NSUN2: variants seen among roughly 807,000 people sequenced by gnomAD.
NSUN2 encodes the protein RNA cytosine C(5)-methyltransferase NSUN2.
Under a neutral mutation model 92.7 loss-of-function variants are expected in NSUN2, and 63 were observed. The observed-to-expected ratio is 0.68, with a 90% CI of 0.56 to 0.84. NSUN2 has a LOEUF of 0.84. Among genes scored for constraint, NSUN2 ranks in the 40% least tolerant of loss-of-function variants. NSUN2 has a pLI of 0.00. For synonymous variants in NSUN2, 356 were observed against 348.3 expected (o/e 1.02, Z -0.25); for missense variants, 989 against 964.9 (o/e 1.02, Z -0.33).
intron 14 of NSUN2, 144 bp downstream of exon 14, chr5:6,606,676 C>G: frequency 2.0e-6 from 1 of 496,526 alleles, no homozygotes; most frequent in Non-Finnish European, 3.5e-6. Flanking sequence ...TCATCCTGCT[C>G]TAATATGCAG....
At chr5:6,622,847 C>CAAAAAAAAA (rs36124758) in intron 5 of NSUN2, among the ~76,000 whole-genome samples, 2 of 126,922 alleles carry the variant, frequency 1.6e-5, no homozygotes, top group Non-Finnish European at 1.6e-5. Context: ...AACTCCATCT[C>CAAAAAAAAA]AAAAAAAAAA....
At chr5:6,630,969 C>T (rs1190515905) in intron 3 of NSUN2, among the ~76,000 whole-genome samples, 2 of 152,102 alleles carry the variant, frequency 1.3e-5, no homozygotes, top group African/African-American at 4.8e-5. Flanking sequence ...TGGCGGGCAC[C>T]TGTAGTCCCA....
chr5:6,631,983 GA>G lies in NSUN2; in HGVS notation c.255-7del. On this transcript the variant is annotated splice_polypyrimidine_tract_variant and splice_region_variant and intron_variant, in intron 2 of 18. Coordinates refer to ENST00000264670, the MANE Select transcript of NSUN2 (RefSeq NM_017755.6). ...GGAGAATCTCTTTTGCGTGGCTATT[GA>G]AAAATAAGGAAGTTTCAAACTGATC... 6.3e-7 allele frequency: 1 copy of G among 1,596,034 alleles called. No individual in the cohort carries two copies. The highest frequency in any genetic ancestry group is 8.6e-7 in the Non-Finnish European group (1 of 1,166,316).
At chr5:6,605,716 G>A (rs11743548) in intron 14 of NSUN2, among the ~76,000 whole-genome samples, 3 of 138,126 alleles carry the variant, frequency 2.2e-5, no homozygotes, top group African/African-American at 2.8e-5. Flanking sequence ...TTTTTTTTTT[G>A]ATATGGAGTC....
chr5:6,601,063 G>A (rs982633061), intron 18 of NSUN2, among the ~76,000 whole-genome samples: 7 of 152,028 alleles, frequency 4.6e-5, no homozygotes, highest in African/African-American at 1.7e-4. Flanking sequence ...TAACGGCCGT[G>A]TTTAATCACC....
Position 6,611,944 on chromosome 5 carries a change from T to C in NSUN2, c.1022-146A>G, listed in dbSNP as rs570088675. On this transcript the variant is annotated intron_variant, in intron 9 of 18. Coordinates refer to ENST00000264670, the MANE Select transcript of NSUN2 (RefSeq NM_017755.6). ...GGAAGGCAAACCCGTCGACAGAAAG[T>C]GGATGAGTGGCCGACGGGGTGGATG... 1.2e-3 allele frequency: 795 copies of C among 685,720 alleles called. 8 individuals are homozygous for C. In the South Asian group the frequency reaches 0.014, roughly 12 times the overall value. 42.5% of individuals were successfully genotyped at this position (685,720 alleles called of 1,614,324 possible).
At chr5:6,604,893 C>T in intron 15 of NSUN2, 2 of 611,082 alleles carry the variant, frequency 3.3e-6, no homozygotes, top group Non-Finnish European at 5.7e-6. Context: ...GAAAGAAGGG[C>T]CCCCAAATGG....
chr5:6,609,004 C>CT (rs1487211166), intron 12 of NSUN2, among the ~76,000 whole-genome samples: 1 of 152,242 alleles, frequency 6.6e-6, no homozygotes, highest in African/African-American at 2.4e-5. Context: ...CAGTCGCCCC[C>CT]TTTGCCCGTC....
chr5:6,618,546 T>C (rs191030359), intron 7 of NSUN2, among the ~76,000 whole-genome samples: 90 of 152,332 alleles, frequency 5.9e-4, no homozygotes, highest in African/African-American at 2.0e-3. Context: ...TAAAATACTA[T>C]TGAAAAACTC....
intron 7 of NSUN2, 44 bp from the exon 8 acceptor site, chr5:6,618,068 A>G (rs1311434334): frequency 7.4e-7 from 1 of 1,354,858 alleles, no homozygotes; most frequent in Non-Finnish European, 1.1e-6. Context: ...CTACAGGTGG[A>G]TGACTGCACT....
chr5:6,625,610 G>A lies in NSUN2; in HGVS notation c.419C>T (p.Pro140Leu). Residue 140 changes from proline (P) to leucine (L), a missense_variant, in exon 4 of 19, where the codon CCA becomes CTA. By Grantham distance (98) the Pro-to-Leu change is moderately conservative. Coordinates refer to ENST00000264670, the MANE Select transcript of NSUN2 (RefSeq NM_017755.6). ...NLSRKILRKS[P>L]HLEKFHQFLV... is the part of the protein sequence containing the mutation. ...AAACTGATGAAACTTTTCCAAGTGTGGCGATTTTCTCAAGATTTTTCGACT... is the reference window on the plus strand; with the variant it reads ...AAACTGATGAAACTTTTCCAAGTGTAGCGATTTTCTCAAGATTTTTCGACT... 6.2e-7 allele frequency: 1 copy of A among 1,614,188 alleles called. No individual in the cohort carries two copies. The highest frequency in any genetic ancestry group is 1.1e-5 in the South Asian group (1 of 91,086).
Position 6,617,498 on chromosome 5 carries a change from C to T in NSUN2, c.890+452G>A, listed in dbSNP as rs141270003. 7.1e-3 allele frequency among the ~76,000 whole-genome samples: 1,080 copies of T among 152,296 alleles called. 50 individuals carry two copies. Among genetic ancestry groups the T allele is most frequent in the Admixed American group, 0.065 (987 of 15,292 alleles). On this transcript the variant is annotated intron_variant, in intron 8 of 18. Transcript: ENST00000264670. ...ACCAAACATTAACAGACGTGATCAT[C>T]GTGTTATGAGATTTCTCTTTAAGAA...
intron 10 of NSUN2, 67 bp downstream of exon 10, chr5:6,611,658 A>T: frequency 3.7e-6 from 5 of 1,339,436 alleles, no homozygotes; most frequent in Non-Finnish European, 5.4e-6. Flanking sequence ...GAATGCTTTG[A>T]AACTTGACTC....
chr5:6,632,989 G>C lies in NSUN2; in HGVS notation c.-10C>G. 6.9e-7 allele frequency: 1 copy of C among 1,446,354 alleles called. No homozygotes were observed. The highest frequency in any genetic ancestry group is 9.0e-7 in the Non-Finnish European group (1 of 1,110,716). 89.6% of individuals were successfully genotyped at this position (1,446,354 alleles called of 1,614,324 possible). A position where few individuals can be genotyped will look rare whatever the true frequency, so the allele number is the denominator to read the frequency against. On this transcript the variant is annotated 5_prime_UTR_variant, in exon 1 of 19. Transcript: ENST00000264670. Reference sequence around the variant, plus strand: ...GCGACCGCCGCCCCATAGCCCACGCGGCCGCGCACGCAGCACGCAGAAACC... The same window carrying C: ...GCGACCGCCGCCCCATAGCCCACGCCGCCGCGCACGCAGCACGCAGAAACC...
At chr5:6,611,445 A>AT (rs1736984394) in intron 10 of NSUN2, among the ~76,000 whole-genome samples, 1 of 143,344 alleles carries the variant, frequency 7.0e-6, no homozygotes, top group African/African-American at 2.7e-5. Context: ...TCCCGGCCCA[A>AT]TTTAAAAAAA....
intron 7 of NSUN2, among the ~76,000 whole-genome samples, 161 bp from the exon 8 acceptor site, chr5:6,618,185 T>A (rs1737293036): frequency 6.6e-6 from 1 of 152,228 alleles, no homozygotes; most frequent in South Asian, 2.1e-4. Flanking sequence ...CAGCTTTTGT[T>A]TTAGGGATTT....
At chr5:6,623,124 A>C in intron 5 of NSUN2, 90 bp downstream of exon 5, 1 of 1,053,478 alleles carries the variant, frequency 9.5e-7, no homozygotes, top group Non-Finnish European at 1.4e-6. Flanking sequence ...AGGACTAATT[A>C]TATTAAGAAA....
intron 8 of NSUN2, 36 bp from the exon 9 acceptor site, chr5:6,616,893 GTATCCA>G: frequency 6.3e-7 from 1 of 1,598,310 alleles, no homozygotes; most frequent in Non-Finnish European, 8.5e-7. Flanking sequence ...AAGGCCAAAT[GTATCCA>G]TGAAGTGCAC....
rs1437783596 is a variant in NSUN2, at chr5:6,632,913, C to T, written c.67G>A (p.Ala23Thr). Reference protein sequence around the residue: ...QQRPEDAEDGAEGGGKRGEAG... With the variant: ...QQRPEDAEDGTEGGGKRGEAG... ...TCGCCGCGCTTTCCACCACCCTCGG[C>T]GCCATCCTCCGCGTCCTCCGGCCGC... The change falls in exon 1 of 19, where the codon GCC becomes ACC. Residue 23 changes from alanine (A) to threonine (T), a missense_variant. Ala to Thr is a moderately conservative substitution (Grantham distance 58). Transcript: ENST00000264670. 6.6e-7 allele frequency: 1 copy of T among 1,521,518 alleles called. No homozygotes were observed. The highest frequency in any genetic ancestry group is 8.8e-7 in the Non-Finnish European group (1 of 1,141,166). 94.3% of individuals were successfully genotyped at this position (1,521,518 alleles called of 1,614,324 possible). A position where few individuals can be genotyped will look rare whatever the true frequency, so the allele number is the denominator to read the frequency against.
Sources: allele counts gnomAD v4.1 joint callset (sites outside exome capture counted in the v4.1 genomes callset), GRCh38; gene constraint gnomAD v4.1.1; transcripts MANE v1.5; gene names NCBI Gene and HGNC (gene_info 2026-07-23, HGNC 2026-07-21).